Variants in RASAL1 observed in about 807,000 individuals in gnomAD.
RASAL1 encodes RAS protein activator like 1, also known as rasGAP-activating-like protein 1.
RASAL1 carries 72 observed loss-of-function variants against 96.6 expected under a neutral mutation model. That is an observed-to-expected ratio of 0.75 (90% confidence interval 0.62 to 0.91). The LOEUF (loss-of-function observed/expected upper bound fraction) is 0.91. Ranked by LOEUF, RASAL1 falls within the 40% of genes least tolerant of loss-of-function variation. RASAL1 has a pLI of 0.00. For missense variants in RASAL1, 1,016 were observed against 1,072.5 expected (o/e 0.95, Z 0.74); for synonymous variants, 405 against 430.4 (o/e 0.94, Z 0.73).
rs1203848081 is a variant in RASAL1 at position 113,107,079 on chromosome 12, C to T, written c.1657+18G>A. ...ACTGGGCTGAGAAGCCAGATGTGGC[C>T]GGACCACAGGAACTCACCTTCATCC... On this transcript the variant is annotated intron_variant, in intron 15 of 20. Coordinates refer to ENST00000548055, the MANE Select transcript of RASAL1 (RefSeq NM_001301202.2). The T allele has an allele frequency of 4.4e-6, 7 of 1,600,450 alleles. No homozygotes were observed. Among genetic ancestry groups the T allele is most frequent in the East Asian group, 2.3e-5 (1 of 44,438 alleles).
At chr12:113,136,303 G>C (rs1484632706), upstream of RASAL1, 5 of 152,362 alleles carry the variant, frequency 3.3e-5, no homozygotes, top group Admixed American at 6.5e-5. Flanking sequence ...GCGGCCAGAT[G>C]GGGGAGGGGA....
At chr12:113,118,453 G>A (rs1490615280) in intron 7 of RASAL1, among the ~76,000 whole-genome samples, 1 of 152,146 alleles carries the variant, frequency 6.6e-6, no homozygotes, top group Non-Finnish European at 1.5e-5. Flanking sequence ...TATGACTAAT[G>A]CTGCTATGAA....
intron 1 of RASAL1, among the ~76,000 whole-genome samples, chr12:113,134,260 C>T (rs574100164): frequency 6.6e-6 from 1 of 152,330 alleles, no homozygotes; most frequent in African/African-American, 2.4e-5. Context: ...TTGCTCTCAA[C>T]AGCTGCCCCC....
intron 18 of RASAL1, chr12:113,102,932 T>C (rs956320971): frequency 1.2e-5 from 2 of 168,950 alleles, no homozygotes; most frequent in Non-Finnish European, 2.6e-5. Context: ...CAACACTTCC[T>C]TACCCCCATC....
chr12:113,116,987 T>C (rs1345254283), intron 8 of RASAL1, 86 bp downstream of exon 8: 2 of 1,054,780 alleles, frequency 1.9e-6, no homozygotes, highest in East Asian at 5.4e-5. Context: ...TGATAATGTG[T>C]GGGCTGGCAT....
chr12:113,112,340 C>A, intron 12 of RASAL1, 62 bp from the exon 13 acceptor site: 1 of 1,214,020 alleles, frequency 8.2e-7, no homozygotes. Flanking sequence ...CCAAACCCTC[C>A]ACCGGCCCCG....
In RASAL1 at chr12:113,101,907, A is replaced by C. The variant is rs767574570; in HGVS notation, c.2207T>G (p.Leu736Arg). The change falls in exon 19 of 21, where the codon CTG becomes CGG. Residue 736 changes from leucine (L) to arginine (R), a missense_variant. Transcript: ENST00000548055. ...EAQTVYRQLL[L>R]GRDQLRLKLL... ...CACCCACCTGAGCTGGTCCCGCCCC[A>C]GGAGCAGCTGCCGATACACTGTCTG... 18 of 1,613,848 alleles carry C rather than the reference A, an allele frequency of 1.1e-5. No individual in the cohort carries two copies. The African/African-American group carries it at 2.0e-4, about 18-fold the overall frequency.
At position 113,104,880 on chromosome 12, in the gene RASAL1, G is replaced by A. The variant is rs143527778; in HGVS notation, c.1831-582C>T. On this transcript the variant is annotated intron_variant, in intron 16 of 20. Transcript: ENST00000548055. The stretch of plus-strand genomic sequence containing the variant: ...ACCACTTCTATGGTACTTGGGACGC[G>A]ATTCCAAGCACTTTACATTGATCAA... Among the ~76,000 whole-genome samples, 9 of 152,324 alleles carry A rather than the reference G, an allele frequency of 5.9e-5. No individual in the cohort carries two copies. In the East Asian group the frequency reaches 1.2e-3, roughly 20 times the overall value.
rs894150113 is a variant in RASAL1, at chr12:113,099,735, A to C, written c.*194T>G. The C allele has an allele frequency of 1.7e-5, 12 of 709,596 alleles. No individual in the cohort carries two copies. Among genetic ancestry groups the C allele is most frequent in the Non-Finnish European group, 2.7e-5 (12 of 449,168 alleles). The allele number at this position is 709,596 out of a possible 1,614,324, so 44.0% of individuals were successfully genotyped here. A position where few individuals can be genotyped will look rare whatever the true frequency, so the allele number is the denominator to read the frequency against. On this transcript the variant is annotated 3_prime_UTR_variant, in exon 21 of 21. Coordinates refer to ENST00000548055, the MANE Select transcript of RASAL1 (RefSeq NM_001301202.2). ...CCAGAGGGCAAGTTTCACTCAGTGC[A>C]AGGCTGGCCCCTGCCAAAGGGCTTC... is the stretch of plus-strand genomic sequence containing the variant.
rs751308034 is a variant in RASAL1 at position 113,127,857 on chromosome 12, C to T, written c.253G>A (p.Gly85Ser). Residue 85 changes from glycine (G) to serine (S), a missense_variant, in exon 4 of 21, where the codon GGC becomes AGC. By Grantham distance (56) the Gly-to-Ser change is moderately conservative. Transcript: ENST00000548055. ...EDTVGHDDII[G>S]KISLSREAIT... ...GCCTCCCTGCTCAGCGAGATCTTGC[C>T]GATGATGTCGTCGTGCCTGCAGGAA... 1.2e-5 allele frequency: 19 copies of T among 1,613,250 alleles called. No individual in the cohort carries two copies. The African/African-American group carries it at 1.6e-4, about 14-fold the overall frequency.
intron 4 of RASAL1, among the ~76,000 whole-genome samples, chr12:113,126,848 G>C (rs1306204537): frequency 6.6e-6 from 1 of 151,262 alleles, no homozygotes; most frequent in Non-Finnish European, 1.5e-5. Flanking sequence ...CTATAAAGTG[G>C]GCATTAATAA....
At chr12:113,127,007 GTTTATA>G (rs1951507454) in intron 4 of RASAL1, among the ~76,000 whole-genome samples, 2 of 148,230 alleles carry the variant, frequency 1.3e-5, no homozygotes, top group South Asian at 4.2e-4. Context: ...TATGTTATAT[GTTTATA>G]TTTATATATA....
At chr12:113,117,728 C>G (rs1951140480) in intron 7 of RASAL1, among the ~76,000 whole-genome samples, 1 of 152,156 alleles carries the variant, frequency 6.6e-6, no homozygotes, top group Admixed American at 6.5e-5. Flanking sequence ...TCACTTCGTG[C>G]CCCCCAGCCC....
rs138940004 is a variant in RASAL1, at chr12:113,100,066, C to A, written c.2281G>T (p.Ala761Ser). The part of the protein sequence containing the change: ...MDTTLEADTG[A>S]CPEVLARQRA... Reference sequence around the variant, plus strand: ...TGCCGGGCCAGGACCTCAGGACAGGCCCCTAGGAGGGAGACAAGAGGCCAC... The same window carrying A: ...TGCCGGGCCAGGACCTCAGGACAGGACCCTAGGAGGGAGACAAGAGGCCAC... The change falls in exon 21 of 21, where the codon GCC (alanine) becomes TCC (serine). Residue 761 changes from alanine (A) to serine (S), a missense_variant and splice_region_variant. By Grantham distance (99) the Ala-to-Ser change is moderately conservative (BLOSUM62 1). Transcript: ENST00000548055. 8.1e-4 allele frequency: 1,302 copies of A among 1,602,250 alleles called. 12 individuals carry two copies. The African/African-American group carries it at 0.015, about 18-fold the overall frequency.
Position 113,115,245 on chromosome 12 carries a change from G to A in RASAL1, c.1023C>T (p.Phe341=). 1 of 1,613,968 alleles carries A rather than the reference G, an allele frequency of 6.2e-7. No homozygotes were observed. ...VARTMDPNTL[F]RSNSLASKSM... The stretch of plus-strand genomic sequence containing the variant: ...ACTTGGATGCCAGGGAGTTAGAACG[G>A]AAGAGGGTGTTGGGGTCCACTGGGA... Residue 341 remains phenylalanine, a synonymous_variant, in exon 11 of 21, where the codon TTC becomes TTT. Coordinates refer to ENST00000548055, the MANE Select transcript of RASAL1 (RefSeq NM_001301202.2). The surrounding 1 kb of genome is among the most constrained non-coding windows in gnomAD (Gnocchi z 4.1).
intron 15 of RASAL1, 114 bp downstream of exon 15, chr12:113,106,983 G>A (rs1950668632): frequency 8.3e-7 from 1 of 1,199,534 alleles, no homozygotes; most frequent in South Asian, 1.5e-5. Context: ...TTAGTTGACT[G>A]ACCCACAGAT....
intron 5 of RASAL1, among the ~76,000 whole-genome samples, chr12:113,120,791 C>G (rs1436618324): frequency 6.6e-6 from 1 of 152,150 alleles, no homozygotes. Flanking sequence ...TTCTTTGGGA[C>G]AGGACCTATC....
chr12:113,121,786 A>G (rs1263557488), intron 4 of RASAL1, 148 bp from the exon 5 acceptor site: 15 of 908,130 alleles, frequency 1.7e-5, no homozygotes, highest in East Asian at 2.7e-5. Flanking sequence ...CAGTGGCACA[A>G]TTTTGGCTCA....
chr12:113,111,747 C>A (rs919467028), intron 13 of RASAL1, among the ~76,000 whole-genome samples: 3 of 152,126 alleles, frequency 2.0e-5, no homozygotes, highest in African/African-American at 7.2e-5. Context: ...GTGTGAGCCA[C>A]CATGCCCAGT....
Sources: gnomAD v4.1 joint callset for allele counts (sites outside exome capture counted in the v4.1 genomes callset) on GRCh38, gnomAD v4.1.1 for gene constraint, Gnocchi (gnomAD v3.1) non-coding constraint, MANE v1.5 for transcripts, NCBI Gene and HGNC (gene_info 2026-07-23, HGNC 2026-07-21) for gene names.